SLC47A2: variants seen among roughly 807,000 people sequenced by gnomAD.
SLC47A2 encodes solute carrier family 47 member 2, also known as multidrug and toxin extrusion protein 2.
A neutral mutation model predicts 67.7 loss-of-function variants in SLC47A2; 52 were observed. The ratio of observed to expected loss-of-function variants is 0.77; its 90% CI spans 0.61 to 0.97. The LOEUF (loss-of-function observed/expected upper bound fraction) is 0.97. Among genes scored for constraint, SLC47A2 ranks in the 50% least tolerant of loss-of-function variants. SLC47A2 has a pLI of 0.00. For missense variants in SLC47A2, 676 were observed against 712.3 expected (o/e 0.95, Z 0.58); for synonymous variants, 278 against 292.9 (o/e 0.95, Z 0.52).
chr17:19,684,945 C>T (rs897826496), intron 13 of SLC47A2, among the ~76,000 whole-genome samples: 7 of 152,086 alleles, frequency 4.6e-5, no homozygotes, highest in South Asian at 2.1e-4. Flanking sequence ...CCTCAGGCTC[C>T]GGTGATTCTC....
Position 19,678,494 on chromosome 17 carries a change from A to G in SLC47A2, c.*192T>C, listed in dbSNP as rs2085236846. On this transcript the variant is annotated 3_prime_UTR_variant, in exon 17 of 17. Transcript: ENST00000433844. ...CACAGAAGAAAACTCCAGCTTGACC[A>G]GAACAGAATTGTCAAGTCTGTTCAG... 2 of 611,176 alleles carry G rather than the reference A, an allele frequency of 3.3e-6. No individual in the cohort carries two copies. The highest frequency in any genetic ancestry group is 2.9e-6 in the Non-Finnish European group (1 of 347,108). The allele number at this position is 611,176 out of a possible 1,614,324, so 37.9% of individuals were successfully genotyped here.
intron 7 of SLC47A2, 22 bp downstream of exon 7, chr17:19,708,280 C>T (rs1419373096): frequency 1.9e-6 from 3 of 1,611,226 alleles, no homozygotes; most frequent in Admixed American, 1.7e-5. Flanking sequence ...CCTGACCAGG[C>T]CCCACCAGCC....
chr17:19,712,600 A>C, intron 5 of SLC47A2, 103 bp downstream of exon 5: 2 of 1,244,484 alleles, frequency 1.6e-6, no homozygotes, highest in Non-Finnish European at 2.3e-6. Flanking sequence ...CCCAGCAGGA[A>C]GTCACAGCAG....
In SLC47A2 at chr17:19,685,403, G is replaced by T. The variant is rs1225624158; in HGVS notation, c.1165-3733C>A. ...CCACCACGTCTAGGAAGTGAGGAGCGTCTCTGCCTGGCCGCCCATCATCTG... is the reference window on the plus strand; with the variant it reads ...CCACCACGTCTAGGAAGTGAGGAGCTTCTCTGCCTGGCCGCCCATCATCTG... On this transcript the variant is annotated intron_variant, in intron 13 of 16. Coordinates refer to ENST00000433844, the MANE Select transcript of SLC47A2 (RefSeq NM_001099646.3). This position sits in a 1 kb window ranked among gnomAD's most constrained non-coding sequence, Gnocchi z 4.5. 6.6e-6 allele frequency among the ~76,000 whole-genome samples: 1 copy of T among 151,616 alleles called. No individual in the cohort carries two copies. Among genetic ancestry groups the T allele is most frequent in the Non-Finnish European group, 1.5e-5 (1 of 67,910 alleles).
intron 13 of SLC47A2, among the ~76,000 whole-genome samples, chr17:19,697,045 A>C (rs1207675498): frequency 6.6e-6 from 1 of 152,012 alleles, no homozygotes; most frequent in African/African-American, 2.4e-5. Context: ...TAATCCCAGC[A>C]CTCTGGGAGG....
At chr17:19,713,390 G>GTAATAA (rs34354818) in intron 4 of SLC47A2, among the ~76,000 whole-genome samples, 4,041 of 148,662 alleles carry the variant, frequency 0.027, 75 homozygotes, top group Middle Eastern at 0.057. Context: ...TCTGTCTCAA[G>GTAATAA]TAATAATAAT....
At chr17:19,686,642 A>G (rs1567617288) in intron 13 of SLC47A2, among the ~76,000 whole-genome samples, 1 of 152,238 alleles carries the variant, frequency 6.6e-6, no homozygotes, top group Non-Finnish European at 1.5e-5. Context: ...AAAAGTGATC[A>G]GGAGTAGTTT....
At chr17:19,714,999 C>A in intron 2 of SLC47A2, 117 bp downstream of exon 2, 1 of 1,309,134 alleles carries the variant, frequency 7.6e-7, no homozygotes, top group Admixed American at 1.7e-5. Context: ...AGCTGTCCAG[C>A]CACGTGGGCT....
At chr17:19,693,291 A>G (rs947945054) in intron 13 of SLC47A2, among the ~76,000 whole-genome samples, 1 of 152,180 alleles carries the variant, frequency 6.6e-6, no homozygotes, top group Non-Finnish European at 1.5e-5. Flanking sequence ...ATTCCGCAAA[A>G]TCTAGCACCC....
intron 5 of SLC47A2, among the ~76,000 whole-genome samples, chr17:19,711,047 G>T (rs2086080251): frequency 6.6e-6 from 1 of 151,712 alleles, no homozygotes; most frequent in African/African-American, 2.4e-5. Flanking sequence ...AACCTCAGGT[G>T]ATCTGCCTGC....
At chr17:19,707,607 AAGG>A (rs1395795862) in intron 8 of SLC47A2, 136 bp downstream of exon 8, 2 of 669,498 alleles carry the variant, frequency 3.0e-6, no homozygotes, top group African/African-American at 3.6e-5. Flanking sequence ...AGCAAAGGGG[AAGG>A]AGGGGGCCGT....
intron 2 of SLC47A2, 161 bp from the exon 3 acceptor site, chr17:19,714,950 C>T (rs1011007403): frequency 2.7e-5 from 34 of 1,239,562 alleles, no homozygotes; most frequent in African/African-American, 7.4e-5. Flanking sequence ...AGGGCCAGAC[C>T]GCCTCCATCT....
At chr17:19,708,911 G>T in intron 5 of SLC47A2, 151 bp from the exon 6 acceptor site, 4 of 960,784 alleles carry the variant, frequency 4.2e-6, no homozygotes, top group Non-Finnish European at 4.7e-6. Flanking sequence ...TGCGGCCAAA[G>T]CCTACCCAGC....
At chr17:19,700,420 T>G (rs1040616966) in intron 13 of SLC47A2, among the ~76,000 whole-genome samples, 2 of 152,164 alleles carry the variant, frequency 1.3e-5, no homozygotes, top group Non-Finnish European at 2.9e-5. Context: ...GGTAGCCAAG[T>G]GACTAGAGAA....
At chr17:19,684,886 C>T (rs915902703) in intron 13 of SLC47A2, among the ~76,000 whole-genome samples, 1 of 152,080 alleles carries the variant, frequency 6.6e-6, no homozygotes. Context: ...CCCTCTCTTG[C>T]GGAGCCTGGA....
At chr17:19,711,588 CAAAAAAAAAAAAAAAAAA>C (rs35308426) in intron 5 of SLC47A2, among the ~76,000 whole-genome samples, 2 of 33,002 alleles carry the variant, frequency 6.1e-5, no homozygotes, top group African/African-American at 9.5e-5. Context: ...AACTCCGTCT[CAAAAAAAAAAAAAAAAAA>C]AAAAAAAAAA....
At chr17:19,697,145 A>T (rs1300673659) in intron 13 of SLC47A2, among the ~76,000 whole-genome samples, 1 of 152,058 alleles carries the variant, frequency 6.6e-6, no homozygotes, top group Admixed American at 6.6e-5. Flanking sequence ...AAAATAAAAA[A>T]AATTAGCCAG....
At chr17:19,687,503 A>G (rs770091680) in intron 13 of SLC47A2, among the ~76,000 whole-genome samples, 2 of 152,160 alleles carry the variant, frequency 1.3e-5, no homozygotes, top group African/African-American at 4.8e-5. Flanking sequence ...AATAAAGGTC[A>G]GAGCAGAAAT....
chr17:19,699,869 A>G (rs1422269306), intron 13 of SLC47A2, among the ~76,000 whole-genome samples: 1 of 152,254 alleles, frequency 6.6e-6, no homozygotes, highest in East Asian at 1.9e-4. Context: ...AAAACTAGAA[A>G]CAACCCAAAT....
Sources: gnomAD v4.1 joint callset for allele counts (sites outside exome capture counted in the v4.1 genomes callset) on GRCh38, gnomAD v4.1.1 for gene constraint, Gnocchi (gnomAD v3.1) non-coding constraint, MANE v1.5 for transcripts, NCBI Gene and HGNC (gene_info 2026-07-23, HGNC 2026-07-21) for gene names.